Variants in NAGK observed in about 807,000 individuals in gnomAD.
NAGK encodes the protein N-acetyl-D-glucosamine kinase.
A neutral mutation model predicts 42.9 loss-of-function variants in NAGK; 35 were observed. The ratio of observed to expected loss-of-function variants is 0.82; its 90% CI spans 0.62 to 1.08. The LOEUF is 1.08. Ranked by LOEUF, NAGK falls within the 50% of genes least tolerant of loss-of-function variation. The pLI is 0.00. For missense variants in NAGK, 446 were observed against 446.0 expected (o/e 1.00, Z 0.00); for synonymous variants, 172 against 176.0 (o/e 0.98, Z 0.18).
chr2:71,073,144 TTC>T, intron 5 of NAGK: 1 of 465,730 alleles, frequency 2.1e-6, no homozygotes, highest in Admixed American at 3.4e-5. Context: ...TGTGTTTATT[TTC>T]ATAGGGGCCC....
upstream of NAGK, chr2:71,068,601 C>A: frequency 1.3e-6 from 2 of 1,522,496 alleles, no homozygotes; most frequent in Non-Finnish European, 1.8e-6. Flanking sequence ...GGAAGTGGGG[C>A]GGTGCCCAGA....
At chr2:71,075,179 A>G (rs1307531500) in intron 6 of NAGK, 2 of 171,456 alleles carry the variant, frequency 1.2e-5, no homozygotes. Flanking sequence ...GAGCACCCCA[A>G]CCCAGCTACT....
upstream of NAGK, chr2:71,068,455 C>T: frequency 1.4e-6 from 2 of 1,383,140 alleles, no homozygotes; most frequent in Non-Finnish European, 1.9e-6. Context: ...CCGCTGCGGA[C>T]CGCAGTCGCT....
At chr2:71,069,738 CTTTGAG>C (rs1044840955) in intron 1 of NAGK, 1 of 154,604 alleles carries the variant, frequency 6.5e-6, no homozygotes, top group Non-Finnish European at 1.5e-5. Flanking sequence ...TTCATGTCCT[CTTTGAG>C]TTTGATGAGC....
At chr2:71,070,879 A>T (rs766556675) in intron 3 of NAGK, 40 bp downstream of exon 3, 150 of 1,598,230 alleles carry the variant, frequency 9.4e-5, no homozygotes, top group Non-Finnish European at 2.1e-5. Context: ...GCCATCTGTG[A>T]CACTGAGACA....
rs1280855104 is a variant in NAGK, at chr2:71,071,827, G to A, written c.355G>A (p.Gly119Ser). The A allele has an allele frequency of 1.9e-6, 3 of 1,613,984 alleles. No homozygotes were observed. In the Middle Eastern group the frequency reaches 5.0e-4, roughly 267 times the overall value. ...CTCCATCGCCACAGCTACACCGGATGGTGAGGAAGTGGAGGGAGGGGTGAG... is the reference window on the plus strand; with the variant it reads ...CTCCATCGCCACAGCTACACCGGATAGTGAGGAAGTGGAGGGAGGGGTGAG... ...AGSIATATPD[G>S]GVVLISGTGS... The change falls in exon 4 of 10, where the codon GGT becomes AGT. Residue 119 changes from glycine to serine, a missense_variant and splice_region_variant. Physicochemically the swap from Gly to Ser is moderately conservative, Grantham distance 56 (BLOSUM62 0). Transcript: ENST00000244204.
chr2:71,072,982 C>T (rs115328847), intron 5 of NAGK: 1 of 583,058 alleles, frequency 1.7e-6, no homozygotes, highest in Non-Finnish European at 3.2e-6. Flanking sequence ...TCAGATTCAT[C>T]CCTCAGCACA....
chr2:71,077,712 GC>G, intron 9 of NAGK, 76 bp downstream of exon 9: 1 of 1,498,786 alleles, frequency 6.7e-7, no homozygotes, highest in Non-Finnish European at 9.1e-7. Context: ...AAAGCTTTTT[GC>G]CCCAGAGAGA....
intron 3 of NAGK, 42 bp downstream of exon 3, chr2:71,070,881 ACT>A (rs1671979246): frequency 6.3e-7 from 1 of 1,596,826 alleles, no homozygotes; most frequent in Non-Finnish European, 8.6e-7. Flanking sequence ...CATCTGTGAC[ACT>A]GAGACAGCTA....
chr2:71,071,733 G>A lies in NAGK; in HGVS notation c.261G>A (p.Leu87=), dbSNP rs1180078558. The A allele has an allele frequency of 1.2e-6, 2 of 1,614,120 alleles. No individual in the cohort carries two copies. Among genetic ancestry groups the A allele is most frequent in the East Asian group, 4.5e-5 (2 of 44,888 alleles). Residue 87 remains leucine (L), a synonymous_variant, in exon 4 of 10, where the codon CTG becomes CTA. Transcript: ENST00000244204. ...GGDQEDAGRI[L]IEELRDRFPY... ...ACCAGGAGGACGCGGGGAGGATCCT[G>A]ATCGAGGAGCTGAGGGACCGATTTC...
upstream of NAGK, chr2:71,068,355 G>C: frequency 1.3e-6 from 1 of 790,146 alleles, no homozygotes; most frequent in Non-Finnish European, 1.8e-6. Context: ...TGTGTCCTAA[G>C]GGTCCGACCG....
At position 71,070,853 on chromosome 2, in the gene NAGK, G is replaced by A. The variant is rs773630359; in HGVS notation, c.213+14G>A. 6.2e-6 allele frequency: 10 copies of A among 1,613,502 alleles called. No individual in the cohort carries two copies. Among genetic ancestry groups the A allele is most frequent in the Admixed American group, 5.0e-5 (3 of 59,994 alleles). On this transcript the variant is annotated intron_variant, in intron 3 of 9. Transcript: ENST00000244204. ...CTGCGAAGCTTGGTGAGTCTGGGGC[G>A]GAGCCTGGGAATTCAGCCATCTGTG...
intron 1 of NAGK, chr2:71,069,166 A>G: frequency 1.1e-6 from 1 of 936,276 alleles, no homozygotes; most frequent in Middle Eastern, 5.4e-4. Context: ...TGCGAGCCAG[A>G]GTACTAGGTT....
At chr2:71,075,452 T>A (rs1225697748) in intron 6 of NAGK, 103 bp from the exon 7 acceptor site, 1 of 818,298 alleles carries the variant, frequency 1.2e-6, no homozygotes, top group Non-Finnish European at 2.0e-6. Context: ...AAAATTATTC[T>A]AGCTTTTCCA....
chr2:71,076,690 G>A lies in NAGK; in HGVS notation c.754G>A (p.Glu252Lys), dbSNP rs759169709. ...LGRHIVAVLP[E>K]IDPVLFQGKI... ...CAGACACATCGTAGCAGTGTTGCCC[G>A]AGATTGACCCGGTGAGTTGAGGTGG... Residue 252 changes from glutamate (E) to lysine (K), a missense_variant, in exon 8 of 10, where the codon GAG becomes AAG. Coordinates refer to ENST00000244204, the MANE Select transcript of NAGK (RefSeq NM_017567.6). 3.7e-6 allele frequency: 6 copies of A among 1,613,620 alleles called. No homozygotes were observed. Among genetic ancestry groups the A allele is most frequent in the Admixed American group, 1.7e-5 (1 of 60,008 alleles).
Position 71,071,775 on chromosome 2 carries a change from CTACT to C in NAGK, c.306_309del (p.Tyr102Ter). ...ACCGATTTCCCTACCTGAGTGAAAG[CTACT>C]TAATCACCACCGATGCCGCCGGCTC... On this transcript the variant is annotated frameshift_variant, in exon 4 of 10. Transcript: ENST00000244204. LOFTEE classifies it high-confidence loss of function. The C allele has an allele frequency of 6.2e-7, 1 of 1,614,188 alleles. No homozygotes were observed. The highest frequency in any genetic ancestry group is 8.5e-7 in the Non-Finnish European group (1 of 1,180,042).
In NAGK at chr2:71,079,590, GC is replaced by G. The variant is rs1254756554; in HGVS notation, c.*1083del. On this transcript the variant is annotated 3_prime_UTR_variant, in exon 10 of 10. Coordinates refer to ENST00000244204, the MANE Select transcript of NAGK (RefSeq NM_017567.6). ...AGGTCAGGAGATTGAGACCATCCTGGCTAACACGGTGAAACTCCATCTCTAC... is the reference window on the plus strand; with the variant it reads ...AGGTCAGGAGATTGAGACCATCCTGGTAACACGGTGAAACTCCATCTCTAC... 1 of 152,194 alleles carries G rather than the reference GC, an allele frequency of 6.6e-6. No individual in the cohort carries two copies. Among genetic ancestry groups the G allele is most frequent in the Non-Finnish European group, 1.5e-5 (1 of 68,086 alleles). The allele number at this position is 152,194 out of a possible 1,614,324, so 9.4% of individuals were successfully genotyped here.
intron 4 of NAGK, 34 bp downstream of exon 4, chr2:71,071,861 C>A (rs1672024525): frequency 6.2e-7 from 1 of 1,610,526 alleles, no homozygotes; most frequent in East Asian, 2.2e-5. Flanking sequence ...AGAGTGAGAA[C>A]TGGTTTTTTT....
At position 71,072,659 on chromosome 2, in the gene NAGK, C is replaced by G. The variant is rs1356326147; in HGVS notation, c.374C>G (p.Ser125Cys). The change falls in exon 5 of 10, where the codon TCT becomes TGT. Residue 125 changes from serine (S) to cysteine (C), a missense_variant. Physicochemically the swap from Ser to Cys is moderately radical, Grantham distance 112. Coordinates refer to ENST00000244204, the MANE Select transcript of NAGK (RefSeq NM_017567.6). ...TCCCCAGGTGGAGTTGTGCTCATAT[C>G]TGGAACAGGCTCCAACTGCAGGCTC... The part of the protein sequence containing the change: ...ATPDGGVVLI[S>C]GTGSNCRLIN... 6.2e-7 allele frequency: 1 copy of G among 1,614,110 alleles called. No homozygotes were observed. The highest frequency in any genetic ancestry group is 2.2e-5 in the East Asian group (1 of 44,882).
Sources: gnomAD v4.1 joint callset for allele counts on GRCh38, gnomAD v4.1.1 for gene constraint, MANE v1.5 for transcripts, NCBI Gene and HGNC (gene_info 2026-07-23, HGNC 2026-07-21) for gene names.